CHLSN: variants seen among roughly 807,000 people sequenced by gnomAD.
CHLSN encodes protein cholesin.
chr7:1,120,215 G>C, the CHLSN span, among the ~76,000 whole-genome samples: 1 of 152,168 alleles, frequency 6.6e-6, no homozygotes. Flanking sequence ...GCACTTACCA[G>C]AGCCGCCAAG....
At chr7:1,044,454 G>C in the CHLSN span, 4 of 136,458 alleles carry the variant, frequency 2.9e-5, no homozygotes, top group Non-Finnish European at 6.2e-5. Flanking sequence ...CTAGCCGCGA[G>C]GGCGGGGCCG....
At chr7:1,016,993 CGCACAGGAG>C in the CHLSN span, among the ~76,000 whole-genome samples, 5 of 146,214 alleles carry the variant, frequency 3.4e-5, no homozygotes, top group South Asian at 2.1e-4. Context: ...CGCACAGCAG[CGCACAGGAG>C]CACACAGCAG....
the CHLSN span, among the ~76,000 whole-genome samples, chr7:1,027,753 C>G: frequency 6.6e-6 from 1 of 151,928 alleles, no homozygotes; most frequent in East Asian, 1.9e-4. Flanking sequence ...GGTCCTCTAC[C>G]CCGGCACAGG....
chr7:1,101,619 G>A, the CHLSN span, among the ~76,000 whole-genome samples: 26 of 152,316 alleles, frequency 1.7e-4, no homozygotes, highest in South Asian at 6.2e-4. Context: ...CCGCGCAGCC[G>A]CCCAGGTTCC....
the CHLSN span, among the ~76,000 whole-genome samples, chr7:1,126,537 C>A: frequency 2.0e-5 from 3 of 151,632 alleles, no homozygotes; most frequent in African/African-American, 7.3e-5. Context: ...AAAAACTAGT[C>A]GGGCGTGGTG....
At chr7:1,013,696 C>T in the CHLSN span, among the ~76,000 whole-genome samples, 2 of 152,194 alleles carry the variant, frequency 1.3e-5, no homozygotes, top group African/African-American at 4.8e-5. Flanking sequence ...GAAGGAAGCA[C>T]CGGCCTGTCA....
chr7:1,013,922 T>C, the CHLSN span, among the ~76,000 whole-genome samples: 491 of 152,342 alleles, frequency 3.2e-3, 3 homozygotes, highest in African/African-American at 0.011. Flanking sequence ...CATTTGAAAA[T>C]GCATAAAACA....
chr7:1,012,145 C>T, the CHLSN span, among the ~76,000 whole-genome samples: 1 of 152,246 alleles, frequency 6.6e-6, no homozygotes, highest in African/African-American at 2.4e-5. Flanking sequence ...ACTCCATGGG[C>T]CACGCAGTCC....
the CHLSN span, among the ~76,000 whole-genome samples, chr7:991,149 G>A: frequency 6.6e-6 from 1 of 152,042 alleles, no homozygotes; most frequent in South Asian, 2.1e-4. Context: ...ACCCTGTCCC[G>A]CCCCGCTTCA....
the CHLSN span, among the ~76,000 whole-genome samples, chr7:1,037,509 G>C: frequency 7.0e-6 from 1 of 142,016 alleles, no homozygotes; most frequent in African/African-American, 2.5e-5. Context: ...AGCCTCCCGA[G>C]GTGCCGGGAT....
the CHLSN span, chr7:987,421 C>T: frequency 1.9e-6 from 3 of 1,593,740 alleles, no homozygotes; most frequent in East Asian, 2.2e-5. Context: ...GCAGGCTCTG[C>T]CCTACACAAG....
chr7:1,100,555 C>T, the CHLSN span, among the ~76,000 whole-genome samples: 1 of 152,172 alleles, frequency 6.6e-6, no homozygotes, highest in East Asian at 1.9e-4. Flanking sequence ...CTGGGCCGTG[C>T]GCCCTCAAGA....
chr7:1,057,160 G>A, the CHLSN span, among the ~76,000 whole-genome samples: 2 of 152,062 alleles, frequency 1.3e-5, no homozygotes, highest in Admixed American at 1.3e-4. Flanking sequence ...ATCACTGTGC[G>A]GGGCCCGTCC....
At chr7:1,012,165 C>T in the CHLSN span, among the ~76,000 whole-genome samples, 3 of 152,240 alleles carry the variant, frequency 2.0e-5, no homozygotes, top group Admixed American at 2.0e-4. Context: ...CACGGCTGAT[C>T]ACACGGGCCA....
chr7:1,002,740 T>G, the CHLSN span, among the ~76,000 whole-genome samples: 1 of 60,926 alleles, frequency 1.6e-5, no homozygotes, highest in Admixed American at 1.8e-4. Context: ...TGGAATCCTG[T>G]GGGTGGGGAG....
chr7:997,573 T>C, the CHLSN span: 1 of 1,406,228 alleles, frequency 7.1e-7, no homozygotes, highest in Non-Finnish European at 9.3e-7. Context: ...GCACCCTGTG[T>C]GGTCTGAGGC....
chr7:1,060,969 G>C, the CHLSN span, among the ~76,000 whole-genome samples: 1 of 152,136 alleles, frequency 6.6e-6, no homozygotes. Flanking sequence ...CTGCAGGGTG[G>C]GGTGTCCGTG....
At chr7:987,403 G>A in the CHLSN span, 2 of 1,594,924 alleles carry the variant, frequency 1.3e-6, no homozygotes, top group Non-Finnish European at 8.5e-7. Flanking sequence ...TCCCCGGCTG[G>A]AGGACCAGCA....
the CHLSN span, chr7:1,092,222 G>A: frequency 1.9e-6 from 3 of 1,612,846 alleles, no homozygotes; most frequent in South Asian, 1.1e-5. Flanking sequence ...GCCATGCGCT[G>A]CAGCCTGTTC....
Sources: allele counts gnomAD v4.1 joint callset (sites outside exome capture counted in the v4.1 genomes callset), GRCh38; gene constraint gnomAD v4.1.1; transcripts MANE v1.5; gene names NCBI Gene and HGNC (gene_info 2026-07-23, HGNC 2026-07-21).